Variants in YTHDF1 observed in about 807,000 individuals in gnomAD.
YTHDF1 encodes the protein YTH N6-methyladenosine RNA binding protein F1, also known as YTH domain-containing family protein 1.
YTHDF1 carries 16 observed loss-of-function variants against 49.1 expected under a neutral mutation model. The ratio of observed to expected loss-of-function variants is 0.33; its 90% CI spans 0.22 to 0.49. YTHDF1 has a LOEUF of 0.49. YTHDF1 is among the 20% of genes least tolerant of loss of function. The pLI, the probability that YTHDF1 is intolerant of heterozygous loss-of-function variation, is 0.99. For missense variants in YTHDF1, 621 were observed against 744.3 expected, an observed-to-expected ratio of 0.83 and a Z score of 1.93; for synonymous variants, 313 against 290.1, an observed-to-expected ratio of 1.08 and a Z score of -0.80.
intron 2 of YTHDF1, among the ~76,000 whole-genome samples, chr20:63,215,298 A>AC (rs1021427357): frequency 3.3e-5 from 5 of 152,124 alleles, no homozygotes; most frequent in African/African-American, 1.2e-4. Context: ...GGCCATGTCC[A>AC]CCCGGCTCTC....
rs899658542 is a variant in YTHDF1, at chr20:63,212,441, A to G, written c.132+1423T>C. On this transcript the variant is annotated intron_variant, in intron 3 of 4. Coordinates refer to ENST00000370339, the MANE Select transcript of YTHDF1 (RefSeq NM_017798.4). ...AGCCTGGTTTTACTTTAAAGTAAACATGCCCAGTAGCTGAGGGCTACTTGG... is the reference window on the plus strand; with the variant it reads ...AGCCTGGTTTTACTTTAAAGTAAACGTGCCCAGTAGCTGAGGGCTACTTGG... 2.0e-5 allele frequency among the ~76,000 whole-genome samples: 3 copies of G among 152,246 alleles called. No homozygotes were observed. The East Asian group carries it at 5.8e-4, about 29-fold the overall frequency.
chr20:63,210,262 T>C (rs977135866), intron 3 of YTHDF1, among the ~76,000 whole-genome samples: 1 of 152,176 alleles, frequency 6.6e-6, no homozygotes, highest in Non-Finnish European at 1.5e-5. Context: ...CCAGATGGCC[T>C]TGGTAATTTC....
chr20:63,211,110 C>T (rs1442173281), intron 3 of YTHDF1, among the ~76,000 whole-genome samples: 1 of 79,788 alleles, frequency 1.3e-5, no homozygotes, highest in Non-Finnish European at 2.7e-5. Flanking sequence ...CAGTTTCACA[C>T]AAAACACGGT....
chr20:63,213,203 G>A (rs1178820125), intron 3 of YTHDF1, among the ~76,000 whole-genome samples: 2 of 152,238 alleles, frequency 1.3e-5, no homozygotes, highest in African/African-American at 2.4e-5. Flanking sequence ...AGGCCGAGGC[G>A]GGTGGATCAC....
intron 3 of YTHDF1, among the ~76,000 whole-genome samples, chr20:63,213,623 T>A (rs1342282240): frequency 6.6e-6 from 1 of 152,142 alleles, no homozygotes; most frequent in Non-Finnish European, 1.5e-5. Flanking sequence ...TAGAGCCAAC[T>A]AGACCTGTTT....
chr20:63,212,269 C>T (rs1227741187), intron 3 of YTHDF1, among the ~76,000 whole-genome samples: 2 of 152,180 alleles, frequency 1.3e-5, no homozygotes, highest in African/African-American at 4.8e-5. Context: ...GCTGCCGAGG[C>T]TCCACCTGTA....
At chr20:63,206,703 C>A (rs186390638) in intron 3 of YTHDF1, among the ~76,000 whole-genome samples, 2 of 152,200 alleles carry the variant, frequency 1.3e-5, no homozygotes, top group African/African-American at 4.8e-5. Context: ...TTCTGTGGGC[C>A]GGATTTCCAT....
chr20:63,196,542 A>G lies in YTHDF1; in HGVS notation c.*166T>C. On this transcript the variant is annotated 3_prime_UTR_variant, in exon 5 of 5. Coordinates refer to ENST00000370339, the MANE Select transcript of YTHDF1 (RefSeq NM_017798.4). The stretch of plus-strand genomic sequence containing the variant: ...TCTACAGGATTATAATACATAGAAA[A>G]AGTACAAATAAATGCAGATCCATCT... The G allele has an allele frequency of 1.4e-6, 1 of 723,036 alleles. No individual in the cohort carries two copies. Among genetic ancestry groups the G allele is most frequent in the Non-Finnish European group, 2.3e-6 (1 of 433,126 alleles). 44.8% of individuals were successfully genotyped at this position (723,036 alleles called of 1,614,324 possible).
chr20:63,207,291 AC>A (rs1191332881), intron 3 of YTHDF1, among the ~76,000 whole-genome samples: 1 of 151,220 alleles, frequency 6.6e-6, no homozygotes, highest in Non-Finnish European at 1.5e-5. Context: ...ACACTGTAAA[AC>A]CCCCCTCTCT....
chr20:63,195,664 G>A lies in YTHDF1; in HGVS notation c.*1044C>T, dbSNP rs1601227699. ...TACAAGGGCACGTGCAGATCCAGGC[G>A]CTGGAGCGTCAGGCATGGGCACCAT... On this transcript the variant is annotated 3_prime_UTR_variant, in exon 5 of 5. Transcript: ENST00000370339. The A allele has an allele frequency of 6.6e-6, 1 of 152,570 alleles. No homozygotes were observed. The allele number at this position is 152,570 out of a possible 1,614,324, so 9.5% of individuals were successfully genotyped here.
At chr20:63,211,873 C>T (rs1243312030) in intron 3 of YTHDF1, among the ~76,000 whole-genome samples, 2 of 151,764 alleles carry the variant, frequency 1.3e-5, no homozygotes, top group African/African-American at 2.4e-5. Context: ...AGGAGGATTG[C>T]TTAAGCCCAG....
chr20:63,205,339 G>A (rs1209546981), intron 3 of YTHDF1, among the ~76,000 whole-genome samples: 1 of 152,184 alleles, frequency 6.6e-6, no homozygotes, highest in Non-Finnish European at 1.5e-5. Context: ...GCTCTCCCTG[G>A]GGGCAGTGCC....
intron 2 of YTHDF1, 75 bp downstream of exon 2, chr20:63,215,502 C>T (rs2066597234): frequency 3.1e-6 from 5 of 1,599,384 alleles, no homozygotes; most frequent in Non-Finnish European, 4.3e-6. Flanking sequence ...CGGTTCCAGA[C>T]GCAGCTTCCT....
In YTHDF1 at chr20:63,203,031, C is replaced by T; in HGVS notation, c.909G>A (p.Gln303=). 1 of 1,607,360 alleles carries T rather than the reference C, an allele frequency of 6.2e-7. No individual in the cohort carries two copies. Among genetic ancestry groups the T allele is most frequent in the Non-Finnish European group, 8.5e-7 (1 of 1,176,160 alleles). The change falls in exon 4 of 5, where the codon CAG becomes CAA. Residue 303 remains glutamine (Q), a synonymous_variant. Transcript: ENST00000370339. This position sits in a 1 kb window ranked among gnomAD's most constrained non-coding sequence, Gnocchi z 4.4. ...AAGCTGGGGGCTGTGCTGGGAGAGG[C>T]TGAGCCACCTGCTGGGGCTGTGGGG... ...QAAPQPQQVA[Q]PLPAQPPALA... is the part of the protein sequence containing the mutation.
intron 3 of YTHDF1, among the ~76,000 whole-genome samples, chr20:63,210,212 GC>G (rs2066567608): frequency 6.6e-6 from 1 of 152,166 alleles, no homozygotes; most frequent in Non-Finnish European, 1.5e-5. Context: ...GTGGTCTGTT[GC>G]TGACCAAACT....
chr20:63,199,309 GGAGATC>G (rs2066507010), intron 4 of YTHDF1, among the ~76,000 whole-genome samples: 1 of 151,950 alleles, frequency 6.6e-6, no homozygotes, highest in Admixed American at 6.5e-5. Flanking sequence ...CACGAGGTCA[GGAGATC>G]GAGACCATCC....
chr20:63,196,653 GTT>G lies in YTHDF1; in HGVS notation c.*53_*54del. The G allele has an allele frequency of 6.2e-7, 1 of 1,610,572 alleles. No individual in the cohort carries two copies. Among genetic ancestry groups the G allele is most frequent in the Non-Finnish European group, 8.5e-7 (1 of 1,177,426 alleles). ...ACACTGGAGCTGACCAAGCACACGT[GTT>G]TTAAACTGTTTTCAAAGTCAAACGT... On this transcript the variant is annotated 3_prime_UTR_variant, in exon 5 of 5. Coordinates refer to ENST00000370339, the MANE Select transcript of YTHDF1 (RefSeq NM_017798.4).
intron 4 of YTHDF1, among the ~76,000 whole-genome samples, chr20:63,199,535 A>AC (rs1369420292): frequency 6.6e-6 from 1 of 151,732 alleles, no homozygotes; most frequent in African/African-American, 2.4e-5. Flanking sequence ...AAAAAAAACA[A>AC]AACAAAACTG....
At chr20:63,214,107 T>G in intron 2 of YTHDF1, 164 bp from the exon 3 acceptor site, 6 of 970,860 alleles carry the variant, frequency 6.2e-6, no homozygotes, top group Non-Finnish European at 7.3e-6. Flanking sequence ...ATACAACTAA[T>G]TAGAAGGGGG....
Sources: allele counts gnomAD v4.1 joint callset (sites outside exome capture counted in the v4.1 genomes callset), GRCh38; gene constraint gnomAD v4.1.1; non-coding constraint Gnocchi (gnomAD v3.1); transcripts MANE v1.5; gene names NCBI Gene and HGNC (gene_info 2026-07-23, HGNC 2026-07-21).